The following MTBP variants were observed in gnomAD, a reference collection of about 807,000 sequenced individuals.
MTBP encodes the protein MDM2 binding protein, also known as mdm2-binding protein.
A neutral mutation model predicts 117.0 loss-of-function variants in MTBP; 101 were observed. That is an observed-to-expected ratio of 0.86 (90% confidence interval 0.73 to 1.02). The LOEUF is 1.02. Ranked by LOEUF, MTBP falls within the 50% of genes least tolerant of loss-of-function variation. The probability of loss-of-function intolerance (pLI) is 0.00; values close to 1 mark genes in which losing one functional copy is unlikely to be tolerated. For missense variants in MTBP, 970 were observed against 1,030.9 expected, an observed-to-expected ratio of 0.94 and a Z score of 0.81; for synonymous variants, 350 against 351.5, an observed-to-expected ratio of 1.00 and a Z score of 0.05.
At chr8:120,515,843 G>A in intron 17 of MTBP, 82 bp from the exon 18 acceptor site, 1 of 1,260,404 alleles carries the variant, frequency 7.9e-7, no homozygotes, top group Non-Finnish European at 1.1e-6. Context: ...TAAAGTAAAT[G>A]TCCTGCTATT....
intron 13 of MTBP, among the ~76,000 whole-genome samples, chr8:120,495,290 A>C (rs1814427565): frequency 1.3e-5 from 2 of 152,180 alleles, no homozygotes; most frequent in Non-Finnish European, 2.9e-5. Context: ...TCTGTTGCGA[A>C]GTCAAATATA....
At chr8:120,476,949 T>C (rs1014266772) in intron 11 of MTBP, among the ~76,000 whole-genome samples, 2 of 152,026 alleles carry the variant, frequency 1.3e-5, no homozygotes, top group African/African-American at 4.8e-5. Flanking sequence ...GCCAAGACAA[T>C]CCTAAGCAAA....
At chr8:120,479,988 G>A (rs2130564994) in intron 11 of MTBP, among the ~76,000 whole-genome samples, 1 of 152,040 alleles carries the variant, frequency 6.6e-6, no homozygotes, top group African/African-American at 2.4e-5. Context: ...AAATATTGAA[G>A]AATGTCTACC....
At position 120,453,834 on chromosome 8, in the gene MTBP, C is replaced by G; in HGVS notation, c.426-13C>G. On this transcript the variant is annotated splice_polypyrimidine_tract_variant and intron_variant, in intron 4 of 21. Coordinates refer to ENST00000305949, the MANE Select transcript of MTBP (RefSeq NM_022045.5). The stretch of plus-strand genomic sequence containing the variant: ...ATGGGGTTTTCTTTCCCTAACTTAC[C>G]CTTTTATTTTAGTCTCTATGAAGAA... 2 of 1,469,310 alleles carry G rather than the reference C, an allele frequency of 1.4e-6. No individual in the cohort carries two copies. The highest frequency in any genetic ancestry group is 1.9e-6 in the Non-Finnish European group (2 of 1,077,694). 91.0% of individuals were successfully genotyped at this position (1,469,310 alleles called of 1,614,324 possible).
intron 10 of MTBP, among the ~76,000 whole-genome samples, chr8:120,466,382 T>C (rs1312085665): frequency 1.3e-5 from 2 of 151,532 alleles, no homozygotes; most frequent in Non-Finnish European, 2.9e-5. Context: ...TGGCTAATTT[T>C]TTTTTGTATA....
chr8:120,449,400 T>C (rs1307568071), intron 2 of MTBP, among the ~76,000 whole-genome samples: 1 of 152,152 alleles, frequency 6.6e-6, no homozygotes, highest in African/African-American at 2.4e-5. Context: ...GTAAAAATGT[T>C]TTACATGTTT....
intron 20 of MTBP, among the ~76,000 whole-genome samples, chr8:120,520,818 T>C (rs1026002845): frequency 2.2e-4 from 33 of 151,850 alleles, no homozygotes; most frequent in Admixed American, 3.9e-4. Context: ...GAAAAGAAAC[T>C]TCTGAGGGAA....
At chr8:120,498,487 A>C (rs1814516370) in intron 14 of MTBP, among the ~76,000 whole-genome samples, 1 of 152,196 alleles carries the variant, frequency 6.6e-6, no homozygotes, top group Non-Finnish European at 1.5e-5. Flanking sequence ...CTGGAGCAAG[A>C]CTAGCAGCTT....
In MTBP at chr8:120,506,716, T is replaced by C; in HGVS notation, c.1738T>C (p.Leu580=). 6.2e-7 allele frequency: 1 copy of C among 1,606,796 alleles called. No individual in the cohort carries two copies. The highest frequency in any genetic ancestry group is 8.5e-7 in the Non-Finnish European group (1 of 1,177,458). Residue 580 remains leucine (L), a synonymous_variant, in exon 16 of 22, where the codon TTA becomes CTA. Coordinates refer to ENST00000305949, the MANE Select transcript of MTBP (RefSeq NM_022045.5). ...ACATTATTTTCCCAGAACTGGTTCA[T>C]TACCTCATTCATCTGAACAGTTGCT... ...KTKQKMRTGS[L]PHSSEQLLGH...
rs555690566 is a variant in MTBP, at chr8:120,455,707, C to A, written c.629+128C>A. The A allele has an allele frequency of 1.4e-4, 118 of 816,038 alleles. 1 individual carries two copies. The South Asian group carries it at 1.8e-3, about 12-fold the overall frequency. 50.5% of individuals were successfully genotyped at this position (816,038 alleles called of 1,614,324 possible). A position where few individuals can be genotyped will look rare whatever the true frequency, so the allele number is the denominator to read the frequency against. ...TGACAACATAAAATTCTATGTTATA[C>A]CATGATTGCAAATTTGTGTATTGAG... is the stretch of plus-strand genomic sequence containing the variant. On this transcript the variant is annotated intron_variant, in intron 6 of 21. Transcript: ENST00000305949.
rs780496623 is a variant in MTBP, at chr8:120,516,028, A to C, written c.2083A>C (p.Ser695Arg). 3.7e-6 allele frequency: 6 copies of C among 1,613,040 alleles called. No homozygotes were observed. Residue 695 changes from serine (S) to arginine (R), a missense_variant, in exon 18 of 22, where the codon AGT becomes CGT. Transcript: ENST00000305949. ...AACTCAAACTACCTGCACCAGAGAA[A>C]GTTTTCCAGTACCTACTGTGTTGAG... ...YETQTTCTRE[S>R]FPVPTVLSPL...
chr8:120,466,261 GAGTGC>G (rs1813690730), intron 10 of MTBP, among the ~76,000 whole-genome samples: 5 of 146,926 alleles, frequency 3.4e-5, no homozygotes. Context: ...GCCCAGGCTG[GAGTGC>G]AATGGTGTGA....
intron 11 of MTBP, among the ~76,000 whole-genome samples, chr8:120,479,136 C>T (rs997351876): frequency 1.3e-5 from 2 of 152,170 alleles, no homozygotes; most frequent in Non-Finnish European, 2.9e-5. Flanking sequence ...GAACAGTAGG[C>T]ACTGGGGACT....
At chr8:120,501,123 G>A (rs376980828) in intron 14 of MTBP, among the ~76,000 whole-genome samples, 13 of 149,290 alleles carry the variant, frequency 8.7e-5, no homozygotes, top group South Asian at 2.1e-4. Flanking sequence ...CCTGGGAGGC[G>A]GAGCTTGCAG....
chr8:120,460,180 A>G (rs1240516838), intron 8 of MTBP, among the ~76,000 whole-genome samples: 3 of 152,124 alleles, frequency 2.0e-5, no homozygotes, highest in African/African-American at 7.2e-5. Context: ...GCTTACTTTA[A>G]GTAACTTACT....
At chr8:120,449,725 A>G (rs1813298949) in intron 2 of MTBP, among the ~76,000 whole-genome samples, 2 of 152,182 alleles carry the variant, frequency 1.3e-5, no homozygotes, top group African/African-American at 4.8e-5. Context: ...GATGGGTGCC[A>G]CAGAAGCCAA....
At position 120,489,289 on chromosome 8, in the gene MTBP, G is replaced by A. The variant is rs562258971; in HGVS notation, c.1339+957G>A. ...CTTGACCTCGTGATCTGCCTGCCTC[G>A]GCCTCCCAAAGTGCTGGGATTACAG... On this transcript the variant is annotated intron_variant, in intron 12 of 21. Transcript: ENST00000305949. 2.8e-4 allele frequency among the ~76,000 whole-genome samples: 43 copies of A among 152,000 alleles called. 1 individual carries two copies. The highest frequency in any genetic ancestry group is 2.9e-4 in the African/African-American group (12 of 41,476).
intron 13 of MTBP, among the ~76,000 whole-genome samples, chr8:120,493,899 T>G (rs1814400777): frequency 6.6e-6 from 1 of 152,190 alleles, no homozygotes; most frequent in South Asian, 2.1e-4. Context: ...CTTTTTGTCT[T>G]AGAATGGCTC....
At chr8:120,492,216 ATACT>A (rs1474129394) in intron 13 of MTBP, among the ~76,000 whole-genome samples, 1 of 152,186 alleles carries the variant, frequency 6.6e-6, no homozygotes, top group African/African-American at 2.4e-5. Context: ...TATGATGAAA[ATACT>A]TACTGAACAA....
Sources: gnomAD v4.1 joint callset for allele counts (sites outside exome capture counted in the v4.1 genomes callset) on GRCh38, gnomAD v4.1.1 for gene constraint, MANE v1.5 for transcripts, NCBI Gene and HGNC (gene_info 2026-07-23, HGNC 2026-07-21) for gene names.